The following TMEM132C variants were observed in gnomAD, a reference collection of about 807,000 sequenced individuals.
The protein encoded by TMEM132C is transmembrane protein 132C.
In TMEM132C, 29 loss-of-function variants were observed where a neutral mutation model predicts 61.4. That is an observed-to-expected ratio of 0.47 (90% CI 0.35 to 0.64). The LOEUF is 0.64. Among genes scored for constraint, TMEM132C ranks in the 30% least tolerant of loss-of-function variants. The pLI is 0.00. For missense variants in TMEM132C, 1,408 were observed against 1,476.9 expected (o/e 0.95, Z 0.76); for synonymous variants, 656 against 633.1 (o/e 1.04, Z -0.54).
At chr12:128,421,773 TTAAAAAA>T (rs1302249588) in intron 2 of TMEM132C, among the ~76,000 whole-genome samples, 30 of 152,264 alleles carry the variant, frequency 2.0e-4, no homozygotes, top group African/African-American at 7.0e-4. Context: ...GAAGCCGATT[TTAAAAAA>T]TAAAAAATAA....
chr12:128,633,780 G>A lies in TMEM132C; in HGVS notation c.1305+17445G>A, dbSNP rs1232889776. The stretch of plus-strand genomic sequence containing the variant: ...CTTGGCAAATATGTGAGTCAAGTGT[G>A]AGTGGAGATTTCATTTATTTAACTT... On this transcript the variant is annotated intron_variant, in intron 4 of 8. Coordinates refer to ENST00000435159, the MANE Select transcript of TMEM132C (RefSeq NM_001136103.3). 3.9e-5 allele frequency among the ~76,000 whole-genome samples: 6 copies of A among 152,274 alleles called. No homozygotes were observed. The East Asian group carries it at 1.2e-3, about 29-fold the overall frequency.
chr12:128,502,006 C>T (rs1872197168), intron 2 of TMEM132C, among the ~76,000 whole-genome samples: 1 of 152,186 alleles, frequency 6.6e-6, no homozygotes, highest in Admixed American at 6.5e-5. Context: ...TTTCTGTGTG[C>T]AAGGTGATGA....
intron 2 of TMEM132C, among the ~76,000 whole-genome samples, chr12:128,496,654 T>C (rs533202777): frequency 1.2e-4 from 18 of 152,354 alleles, no homozygotes; most frequent in African/African-American, 2.9e-4. Flanking sequence ...ATTCGTCACA[T>C]AGTTCTCGTG....
rs370307408 is a variant in TMEM132C at position 128,434,543 on chromosome 12, C to G, written c.974+18923C>G. Among the ~76,000 whole-genome samples, 9 of 152,242 alleles carry G rather than the reference C, an allele frequency of 5.9e-5. No homozygotes were observed. In the South Asian group the frequency reaches 1.9e-3, roughly 32 times the overall value. ...CCTCAAGTGATCCGCCTGCCTCGGCCTCTCAAAGTGCTGGGATTACAGGTG... is the reference window on the plus strand; with the variant it reads ...CCTCAAGTGATCCGCCTGCCTCGGCGTCTCAAAGTGCTGGGATTACAGGTG... On this transcript the variant is annotated intron_variant, in intron 2 of 8. Coordinates refer to ENST00000435159, the MANE Select transcript of TMEM132C (RefSeq NM_001136103.3).
At chr12:128,431,156 G>A (rs957846157) in intron 2 of TMEM132C, among the ~76,000 whole-genome samples, 2 of 152,334 alleles carry the variant, frequency 1.3e-5, no homozygotes, top group East Asian at 1.9e-4. Flanking sequence ...GAAGTGATAC[G>A]AAGGCAAAAC....
At chr12:128,458,678 G>C (rs1170623921) in intron 2 of TMEM132C, among the ~76,000 whole-genome samples, 1 of 152,164 alleles carries the variant, frequency 6.6e-6, no homozygotes, top group African/African-American at 2.4e-5. Flanking sequence ...CTGGGGGGCA[G>C]GGAGATTGAT....
intron 2 of TMEM132C, among the ~76,000 whole-genome samples, chr12:128,418,484 C>T (rs964711950): frequency 3.3e-5 from 5 of 152,192 alleles, no homozygotes; most frequent in African/African-American, 1.2e-4. Flanking sequence ...TCTTTCTCTC[C>T]CCCTCTGTCC....
intron 2 of TMEM132C, among the ~76,000 whole-genome samples, chr12:128,485,997 G>A (rs989626308): frequency 7.2e-5 from 11 of 152,108 alleles, no homozygotes; most frequent in African/African-American, 2.7e-4. Flanking sequence ...GCTTCTCCCT[G>A]GATAGTCGGA....
chr12:128,605,065 G>A (rs1392675013), intron 3 of TMEM132C, among the ~76,000 whole-genome samples: 2 of 152,014 alleles, frequency 1.3e-5, no homozygotes, highest in Non-Finnish European at 2.9e-5. Context: ...ATAATACATA[G>A]ATGACAGATT....
intron 3 of TMEM132C, among the ~76,000 whole-genome samples, chr12:128,563,192 G>A (rs1265002375): frequency 6.6e-6 from 1 of 152,268 alleles, no homozygotes; most frequent in African/African-American, 2.4e-5. Context: ...GGGGACAGCT[G>A]ATAGTCTCTA....
At chr12:128,669,655 C>A in intron 5 of TMEM132C, 95 bp downstream of exon 5, 1 of 1,436,312 alleles carries the variant, frequency 7.0e-7, no homozygotes, top group South Asian at 1.4e-5. Context: ...ACATGACGTT[C>A]AACTATACAG....
chr12:128,637,463 T>C (rs2135597199), intron 4 of TMEM132C, among the ~76,000 whole-genome samples: 1 of 152,366 alleles, frequency 6.6e-6, no homozygotes, highest in East Asian at 1.9e-4. Context: ...CTCCCTCAGA[T>C]GACTGCAGAA....
intron 1 of TMEM132C, among the ~76,000 whole-genome samples, chr12:128,305,443 C>G (rs1286286135): frequency 6.6e-6 from 1 of 151,964 alleles, no homozygotes; most frequent in African/African-American, 2.4e-5. Flanking sequence ...TGAATCCTGA[C>G]CTTAGTACCA....
intron 1 of TMEM132C, among the ~76,000 whole-genome samples, chr12:128,306,549 C>T (rs886642195): frequency 6.6e-6 from 1 of 152,120 alleles, no homozygotes; most frequent in Non-Finnish European, 1.5e-5. Context: ...TCTGCTTTCT[C>T]TTTTGTAATG....
At chr12:128,458,196 A>G (rs1327710512) in intron 2 of TMEM132C, among the ~76,000 whole-genome samples, 1 of 148,258 alleles carries the variant, frequency 6.7e-6, no homozygotes, top group Admixed American at 6.8e-5. Flanking sequence ...TTTATATTTT[A>G]GTATTATAAT....
rs1429572852 is a variant in TMEM132C, at chr12:128,706,542, T to C, written c.*247T>C. 3 of 418,402 alleles carry C rather than the reference T, an allele frequency of 7.2e-6. No homozygotes were observed. In the Admixed American group the frequency reaches 1.2e-4, roughly 17 times the overall value. The allele number at this position is 418,402 out of a possible 1,614,324, so 25.9% of individuals were successfully genotyped here. ...GCATGGGGAGTGCAGACCAAGTTAC[T>C]GAACTGCACAGGCAAAATTAGGAAG... On this transcript the variant is annotated 3_prime_UTR_variant, in exon 9 of 9. Coordinates refer to ENST00000435159, the MANE Select transcript of TMEM132C (RefSeq NM_001136103.3).
At chr12:128,525,330 CTCTCTCTCTCTCTT>C (rs897556582) in intron 2 of TMEM132C, among the ~76,000 whole-genome samples, 2 of 148,078 alleles carry the variant, frequency 1.4e-5, no homozygotes, top group Admixed American at 6.7e-5. Flanking sequence ...CTCTCTCTCT[CTCTCTCTCTCTCTT>C]TCTCTCTCTC....
At chr12:128,321,853 A>G (rs1872344309) in intron 1 of TMEM132C, among the ~76,000 whole-genome samples, 1 of 152,200 alleles carries the variant, frequency 6.6e-6, no homozygotes, top group South Asian at 2.1e-4. Flanking sequence ...ATTCTCGGAG[A>G]TCACCTCTTT....
intron 1 of TMEM132C, among the ~76,000 whole-genome samples, chr12:128,385,324 G>GCAAAGA (rs1565919904): frequency 4.7e-5 from 7 of 149,960 alleles, no homozygotes; most frequent in Admixed American, 2.7e-4. Flanking sequence ...TAGGATCATT[G>GCAAAGA]TAAAGATTTA....
Sources: gnomAD v4.1 joint callset for allele counts (sites outside exome capture counted in the v4.1 genomes callset) on GRCh38, gnomAD v4.1.1 for gene constraint, MANE v1.5 for transcripts, NCBI Gene and HGNC (gene_info 2026-07-23, HGNC 2026-07-21) for gene names.